BRF1: variants seen among roughly 807,000 people sequenced by gnomAD.
The protein encoded by BRF1 is BRF1 general transcription factor IIIB subunit.
In BRF1, 59 loss-of-function variants were observed where a neutral mutation model predicts 81.7. The ratio of observed to expected loss-of-function variants is 0.72; its 90% CI spans 0.59 to 0.90. The LOEUF is 0.90. Among genes scored for constraint, BRF1 ranks in the 40% least tolerant of loss-of-function variants. The pLI is 0.00. For missense variants in BRF1, 1,050 were observed against 936.3 expected, an observed-to-expected ratio of 1.12 and a Z score of -1.58; for synonymous variants, 491 against 395.6, an observed-to-expected ratio of 1.24 and a Z score of -2.86.
At position 105,281,372 on chromosome 14, in the gene BRF1, T is replaced by C. The variant is rs1419478684; in HGVS notation, c.265+4924A>G. Among the ~76,000 whole-genome samples, 15 of 143,494 alleles carry C rather than the reference T, an allele frequency of 1.0e-4. No homozygotes were observed. In the Admixed American group the frequency reaches 1.1e-3, roughly 10 times the overall value. 94.1% of individuals were successfully genotyped at this position (143,494 alleles called of 152,430 possible). On this transcript the variant is annotated intron_variant, in intron 2 of 17. Coordinates refer to ENST00000547530, the MANE Select transcript of BRF1 (RefSeq NM_001519.4). ...TGTGCGGATACAGCCTGTGTGACCC[T>C]GAGCCCGGGTGTGTGGATACAGGCT...
intron 5 of BRF1, among the ~76,000 whole-genome samples, chr14:105,251,780 G>C (rs1232539167): frequency 6.6e-6 from 1 of 151,888 alleles, no homozygotes; most frequent in Non-Finnish European, 1.5e-5. Context: ...GGTAAAGAAA[G>C]GGTAGGTCAG....
In BRF1 at chr14:105,300,596, T is replaced by A; in HGVS notation, c.34A>T (p.Thr12Ser). The A allele has an allele frequency of 6.9e-7, 1 of 1,454,036 alleles. No individual in the cohort carries two copies. Among genetic ancestry groups the A allele is most frequent in the Non-Finnish European group, 9.0e-7 (1 of 1,106,864 alleles). The allele number at this position is 1,454,036 out of a possible 1,614,324, so 90.1% of individuals were successfully genotyped here. Residue 12 changes from threonine to serine, a missense_variant, in exon 1 of 18, where the codon ACG becomes TCG. Transcript: ENST00000547530. The stretch of plus-strand genomic sequence containing the variant: ...CGCGCCGCGTCCAGCTCGATGTCCG[T>A]GCCGCCGCAACCGCGGCACACGCGG... Reference protein sequence around the residue: ...TGRVCRGCGGTDIELDAARGD... With the variant: ...TGRVCRGCGGSDIELDAARGD...
At chr14:105,304,912 A>G (rs587680008), upstream of BRF1, among the ~76,000 whole-genome samples, 3 of 152,334 alleles carry the variant, frequency 2.0e-5, no homozygotes, top group South Asian at 4.2e-4. Flanking sequence ...ATTCCCTCCC[A>G]CCAGGTCCCT....
At chr14:105,282,956 G>C (rs587751647) in intron 2 of BRF1, among the ~76,000 whole-genome samples, 1 of 151,400 alleles carries the variant, frequency 6.6e-6, no homozygotes, top group Admixed American at 6.8e-5. Flanking sequence ...ACAAACAAAA[G>C]GTAAGATAAA....
At chr14:105,296,940 T>C (rs587723473) in intron 1 of BRF1, among the ~76,000 whole-genome samples, 2 of 152,082 alleles carry the variant, frequency 1.3e-5, no homozygotes, top group South Asian at 4.1e-4. Context: ...GGGGGATCAC[T>C]TGAGGTCAGG....
chr14:105,283,989 CAAAAAACTG>C (rs984327584), intron 2 of BRF1, among the ~76,000 whole-genome samples: 7 of 152,070 alleles, frequency 4.6e-5, no homozygotes, highest in African/African-American at 1.7e-4. Context: ...ACAGACAAAA[CAAAAAACTG>C]ACAAAACTGT....
rs997983633 is a variant in BRF1, at chr14:105,256,558, G to A, written c.440-9C>T. 3.7e-6 allele frequency: 6 copies of A among 1,613,208 alleles called. No homozygotes were observed. In the African/African-American group the frequency reaches 8.0e-5, roughly 22 times the overall value. The stretch of plus-strand genomic sequence containing the variant: ...GAGGTCCAGGAGCATGTCTGCAGCA[G>A]GAGTCAAGGATCCTGTCGAGTGGCT... On this transcript the variant is annotated splice_polypyrimidine_tract_variant and intron_variant, in intron 3 of 17. Transcript: ENST00000547530.
chr14:105,229,286 G>A (rs926062565), intron 6 of BRF1, among the ~76,000 whole-genome samples: 3 of 152,252 alleles, frequency 2.0e-5, no homozygotes, highest in African/African-American at 4.8e-5. Flanking sequence ...AAAGGGGCGA[G>A]GCCACAGCTG....
At chr14:105,227,460 C>G (rs1893304787) in intron 7 of BRF1, 1 of 152,366 alleles carries the variant, frequency 6.6e-6, no homozygotes, top group African/African-American at 2.4e-5. Flanking sequence ...AATACCTGAA[C>G]TGTGCTTGTC....
At chr14:105,286,471 G>C in intron 1 of BRF1, 95 bp from the exon 2 acceptor site, 9 of 1,310,210 alleles carry the variant, frequency 6.9e-6, no homozygotes, top group Non-Finnish European at 7.5e-6. Flanking sequence ...AGAACAAAGC[G>C]GGGGTCAGCA....
At chr14:105,246,139 C>T (rs1046057164) in intron 5 of BRF1, among the ~76,000 whole-genome samples, 1 of 152,072 alleles carries the variant, frequency 6.6e-6, no homozygotes, top group African/African-American at 2.4e-5. Context: ...GCACAAGAAT[C>T]GCTTGAACCT....
chr14:105,285,996 T>C (rs1448413512), intron 2 of BRF1, among the ~76,000 whole-genome samples: 1 of 152,182 alleles, frequency 6.6e-6, no homozygotes. Context: ...CACTACAATA[T>C]CCAACTGCTA....
chr14:105,229,648 G>GA (rs2054411980), intron 6 of BRF1, among the ~76,000 whole-genome samples: 1 of 150,998 alleles, frequency 6.6e-6, no homozygotes, highest in Non-Finnish European at 1.5e-5. Context: ...GGGGGCGGGG[G>GA]ACAGCCTGGC....
At chr14:105,228,959 G>A (rs764665677) in intron 6 of BRF1, 46 bp from the exon 7 acceptor site, 1 of 1,576,436 alleles carries the variant, frequency 6.3e-7, no homozygotes, top group South Asian at 1.1e-5. Context: ...CTGGGAACCA[G>A]GGCAACATCT....
chr14:105,220,236 C>G, intron 11 of BRF1, 106 bp from the exon 12 acceptor site: 1 of 1,283,408 alleles, frequency 7.8e-7, no homozygotes, highest in Non-Finnish European at 1.1e-6. Flanking sequence ...TAAGGGCTTT[C>G]TAGAACCCCG....
Position 105,309,776 on chromosome 14 carries a change from C to CT in BRF1, c.-162+5545dup, listed in dbSNP as rs928875653. On this transcript the variant is annotated intron_variant, in intron 1 of 17. Coordinates refer to the BRF1 transcript ENST00000327359. The surrounding 1 kb of genome is among the most constrained non-coding windows in gnomAD (Gnocchi z 4.0). ...TTAAGGAGAAGGTGGTGATGTGTGT[C>CT]TTTTTTTTTTTTTTTTTTTTTTTTT... is the stretch of plus-strand genomic sequence containing the variant. 0.029 allele frequency among the ~76,000 whole-genome samples: 2,576 copies of CT among 89,236 alleles called. 216 individuals are homozygous for CT. The highest frequency in any genetic ancestry group is 0.047 in the East Asian group (130 of 2,780). The allele number at this position is 89,236 out of a possible 152,430, so 58.5% of individuals were successfully genotyped here. A position where few individuals can be genotyped will look rare whatever the true frequency, so the allele number is the denominator to read the frequency against.
chr14:105,254,164 C>G (rs1197233503), intron 4 of BRF1, among the ~76,000 whole-genome samples: 1 of 152,228 alleles, frequency 6.6e-6, no homozygotes, highest in Non-Finnish European at 1.5e-5. Flanking sequence ...TCAATGAGAC[C>G]TGAACACTGC....
chr14:105,256,185 G>A (rs893464474), intron 4 of BRF1: 10 of 1,527,200 alleles, frequency 6.5e-6, no homozygotes, highest in South Asian at 1.2e-5. Context: ...ACCAAACTAG[G>A]TACTCACAAA....
At chr14:105,248,473 G>A (rs1365660465) in intron 5 of BRF1, 2 of 984,880 alleles carry the variant, frequency 2.0e-6, no homozygotes, top group Non-Finnish European at 1.2e-6. Context: ...CAGCTTCGAG[G>A]ATGTCGGGCC....
Sources: gnomAD v4.1 joint callset for allele counts (sites outside exome capture counted in the v4.1 genomes callset) on GRCh38, gnomAD v4.1.1 for gene constraint, Gnocchi (gnomAD v3.1) non-coding constraint, MANE v1.5 for transcripts, NCBI Gene and HGNC (gene_info 2026-07-23, HGNC 2026-07-21) for gene names.